Variants in ACTR3C observed in about 807,000 individuals in gnomAD.
ACTR3C encodes the protein actin-related protein 3C.
Under a neutral mutation model 26.3 loss-of-function variants are expected in ACTR3C, and 18 were observed. That is an observed-to-expected ratio of 0.68 (90% confidence interval 0.47 to 1.01). The LOEUF is 1.01. ACTR3C is among the 50% of genes least tolerant of loss of function. ACTR3C has a pLI of 0.00. For missense variants in ACTR3C, 184 were observed against 250.7 expected (o/e 0.73, Z 1.80); for synonymous variants, 55 against 94.5 (o/e 0.58, Z 2.42).
At chr7:150,089,361 T>C in the ACTR3C span, among the ~76,000 whole-genome samples, 2 of 152,200 alleles carry the variant, frequency 1.3e-5, no homozygotes, top group African/African-American at 4.8e-5. Flanking sequence ...GCATCAGGAA[T>C]GTGAGGCTCC....
the ACTR3C span, among the ~76,000 whole-genome samples, chr7:150,039,122 T>G: frequency 6.7e-6 from 1 of 148,542 alleles, no homozygotes; most frequent in Non-Finnish European, 1.5e-5. Context: ...CTAAGGATCT[T>G]AGGATCAACG....
the ACTR3C span, among the ~76,000 whole-genome samples, chr7:149,917,026 T>C: frequency 1.3e-4 from 20 of 152,358 alleles, no homozygotes; most frequent in South Asian, 4.1e-3. Flanking sequence ...CCTGTGTATC[T>C]TTCCGATGCT....
chr7:150,143,765 C>T, the ACTR3C span, among the ~76,000 whole-genome samples: 1 of 152,232 alleles, frequency 6.6e-6, no homozygotes. Context: ...CAGAGGGCAG[C>T]GGCCAGACCC....
At chr7:149,898,294 C>T in the ACTR3C span, among the ~76,000 whole-genome samples, 1 of 152,230 alleles carries the variant, frequency 6.6e-6, no homozygotes, top group Non-Finnish European at 1.5e-5. Flanking sequence ...ATGTACAAGT[C>T]TGGTATTCCA....
the ACTR3C span, among the ~76,000 whole-genome samples, chr7:150,064,644 T>TCACACACACA: frequency 3.4e-4 from 34 of 99,478 alleles, no homozygotes; most frequent in Middle Eastern, 5.2e-3. Flanking sequence ...TTGTTTATTT[T>TCACACACACA]CACATACACA....
the ACTR3C span, among the ~76,000 whole-genome samples, chr7:150,224,783 C>T: frequency 2.0e-5 from 3 of 152,286 alleles, no homozygotes; most frequent in East Asian, 3.9e-4. Flanking sequence ...GAGGGCAGAG[C>T]GTTTGCATAC....
the ACTR3C span, among the ~76,000 whole-genome samples, chr7:150,202,444 G>A: frequency 2.0e-5 from 3 of 152,068 alleles, no homozygotes; most frequent in African/African-American, 4.8e-5. Flanking sequence ...AACTCAGCAT[G>A]TGTGAATATT....
At chr7:149,920,072 A>G in the ACTR3C span, among the ~76,000 whole-genome samples, 1 of 152,082 alleles carries the variant, frequency 6.6e-6, no homozygotes, top group Admixed American at 6.6e-5. Context: ...TTCTCCAAGA[A>G]AGATTATTCA....
the ACTR3C span, among the ~76,000 whole-genome samples, chr7:150,055,494 T>G: frequency 0.021 from 3,107 of 149,172 alleles, 94 homozygotes; most frequent in African/African-American, 0.068. Context: ...GGAGGGAGTT[T>G]TTTTTTTTTT....
chr7:150,203,824 C>T, the ACTR3C span, among the ~76,000 whole-genome samples: 728 of 152,324 alleles, frequency 4.8e-3, 7 homozygotes, highest in African/African-American at 0.016. Context: ...GCCTTGGCCT[C>T]CCAAAGTGCT....
chr7:149,886,946 C>T, the ACTR3C span, among the ~76,000 whole-genome samples: 1 of 129,818 alleles, frequency 7.7e-6, no homozygotes, highest in Non-Finnish European at 1.6e-5. Context: ...GGCGACAGAG[C>T]GAGACTGACT....
downstream of ACTR3C, chr7:150,245,570 C>T (rs1400460586): frequency 3.9e-5 from 6 of 152,170 alleles, no homozygotes; most frequent in Non-Finnish European, 8.8e-5. Context: ...TCACATGGCT[C>T]TATCCAACTG....
rs1204246285 is a variant in ACTR3C at position 150,247,344 on chromosome 7, T to C, written c.*264A>G. The C allele has an allele frequency of 1.3e-5, 2 of 151,970 alleles. No individual in the cohort carries two copies. The highest frequency in any genetic ancestry group is 2.9e-5 in the Non-Finnish European group (2 of 68,002). The allele number at this position is 151,970 out of a possible 1,614,324, so 9.4% of individuals were successfully genotyped here. A position where few individuals can be genotyped will look rare whatever the true frequency, so the allele number is the denominator to read the frequency against. ...AAGTGTCGGTATGTTATTAATACTT[T>C]CTCCAAGAACATGCACATCTTCACC... On this transcript the variant is annotated 3_prime_UTR_variant, in exon 8 of 8. Coordinates refer to ENST00000683684, the MANE Select transcript of ACTR3C (RefSeq NM_001164458.2).
the ACTR3C span, among the ~76,000 whole-genome samples, chr7:149,967,891 C>CG: frequency 1.3e-5 from 2 of 150,842 alleles, no homozygotes; most frequent in Non-Finnish European, 2.9e-5. Context: ...GGGGGTGTGT[C>CG]GGGGGGTGGC....
intron 1 of ACTR3C, among the ~76,000 whole-genome samples, chr7:150,298,196 C>A (rs936625107): frequency 2.7e-5 from 4 of 150,422 alleles, no homozygotes; most frequent in Non-Finnish European, 4.4e-5. Flanking sequence ...CTAGTTACCC[C>A]TAAACAAATA....
the ACTR3C span, among the ~76,000 whole-genome samples, chr7:149,941,314 G>A: frequency 6.6e-6 from 1 of 152,188 alleles, no homozygotes; most frequent in Non-Finnish European, 1.5e-5. Flanking sequence ...CTGGCACAAG[G>A]TTACTAGACC....
At chr7:150,065,559 C>G in the ACTR3C span, among the ~76,000 whole-genome samples, 1 of 152,110 alleles carries the variant, frequency 6.6e-6, no homozygotes, top group South Asian at 2.1e-4. Flanking sequence ...AAGGCTTTAC[C>G]CTCAGAAAGC....
At chr7:149,945,822 G>A in the ACTR3C span, among the ~76,000 whole-genome samples, 19 of 152,204 alleles carry the variant, frequency 1.2e-4, no homozygotes, top group African/African-American at 4.6e-4. Context: ...TGCTATGCAC[G>A]GACAGTGGTA....
the ACTR3C span, among the ~76,000 whole-genome samples, chr7:150,110,861 G>A: frequency 7.4e-6 from 1 of 134,266 alleles, no homozygotes; most frequent in East Asian, 2.1e-4. Context: ...TGGCTCTTAG[G>A]GGTGGGGCTT....
Sources: allele counts gnomAD v4.1 joint callset (sites outside exome capture counted in the v4.1 genomes callset), GRCh38; gene constraint gnomAD v4.1.1; transcripts MANE v1.5; gene names NCBI Gene and HGNC (gene_info 2026-07-23, HGNC 2026-07-21).